The following HCN1 variants were observed in gnomAD, a reference collection of about 807,000 sequenced individuals.
HCN1 encodes potassium/sodium hyperpolarization-activated cyclic nucleotide-gated channel 1.
A neutral mutation model predicts 78.9 loss-of-function variants in HCN1; 13 were observed. The observed-to-expected ratio is 0.16, with a 90% CI of 0.11 to 0.26. The LOEUF (loss-of-function observed/expected upper bound fraction) is 0.26, where lower values mean the gene tolerates loss of function less well. HCN1 is among the 10% of genes least tolerant of loss of function. The pLI is 1.00. For synonymous variants in HCN1, 552 were observed against 455.5 expected, an observed-to-expected ratio of 1.21 and a Z score of -2.70; for missense variants, 810 against 1,154.3, an observed-to-expected ratio of 0.70 and a Z score of 4.32.
At chr5:45,667,655 A>T (rs1746075577) in intron 1 of HCN1, among the ~76,000 whole-genome samples, 1 of 152,016 alleles carries the variant, frequency 6.6e-6, no homozygotes, top group Non-Finnish European at 1.5e-5. Flanking sequence ...GCAAGTTATA[A>T]ACTCAAACAT....
At chr5:45,388,308 T>A (rs550719431) in intron 4 of HCN1, among the ~76,000 whole-genome samples, 2 of 152,142 alleles carry the variant, frequency 1.3e-5, no homozygotes, top group African/African-American at 2.4e-5. Context: ...TTAGAAAAAA[T>A]TTCTCAGCCT....
At chr5:45,353,650 C>A (rs561706506) in intron 4 of HCN1, among the ~76,000 whole-genome samples, 10 of 151,984 alleles carry the variant, frequency 6.6e-5, no homozygotes, top group Non-Finnish European at 1.3e-4. Flanking sequence ...ATGGATAGTA[C>A]AATAGGTTTT....
At chr5:45,535,941 C>A (rs778527647) in intron 2 of HCN1, among the ~76,000 whole-genome samples, 13 of 152,116 alleles carry the variant, frequency 8.5e-5, no homozygotes, top group Admixed American at 5.9e-4. Flanking sequence ...TTCTTATTCA[C>A]TTTTACCAGT....
At chr5:45,313,990 A>T (rs1487225066) in intron 5 of HCN1, among the ~76,000 whole-genome samples, 1 of 152,214 alleles carries the variant, frequency 6.6e-6, no homozygotes, top group Non-Finnish European at 1.5e-5. Flanking sequence ...AGGCAGGCCA[A>T]CATTCAAATT....
At chr5:45,460,468 A>C (rs1032185243) in intron 3 of HCN1, among the ~76,000 whole-genome samples, 1 of 152,136 alleles carries the variant, frequency 6.6e-6, no homozygotes, top group Non-Finnish European at 1.5e-5. Context: ...GCAGCACAAA[A>C]TACACCAAGA....
intron 2 of HCN1, among the ~76,000 whole-genome samples, chr5:45,618,449 T>C (rs934194729): frequency 6.6e-6 from 1 of 152,112 alleles, no homozygotes; most frequent in East Asian, 1.9e-4. Flanking sequence ...TAGATTGATT[T>C]CTGTAAACAA....
chr5:45,593,351 C>CACAA (rs1744423485), intron 2 of HCN1, among the ~76,000 whole-genome samples: 1 of 151,398 alleles, frequency 6.6e-6, no homozygotes, highest in Non-Finnish European at 1.5e-5. Context: ...CACACACACA[C>CACAA]ACACACACAC....
At chr5:45,329,414 A>T (rs879759623) in intron 5 of HCN1, among the ~76,000 whole-genome samples, 9 of 151,488 alleles carry the variant, frequency 5.9e-5, no homozygotes, top group Non-Finnish European at 1.0e-4. Flanking sequence ...ACTCAGAGAA[A>T]GAGTGGTGGT....
intron 2 of HCN1, among the ~76,000 whole-genome samples, chr5:45,579,440 C>T (rs1744013958): frequency 6.6e-6 from 1 of 152,094 alleles, no homozygotes; most frequent in Non-Finnish European, 1.5e-5. Context: ...AAATGAACCT[C>T]TTCTCCTTTT....
chr5:45,372,041 T>C (rs1157238079), intron 4 of HCN1, among the ~76,000 whole-genome samples: 34 of 60,396 alleles, frequency 5.6e-4, no homozygotes, highest in African/African-American at 3.0e-3. Flanking sequence ...ATTATATATA[T>C]ATTATATATA....
intron 2 of HCN1, among the ~76,000 whole-genome samples, chr5:45,536,527 C>T (rs991096571): frequency 3.9e-5 from 6 of 152,090 alleles, no homozygotes; most frequent in Non-Finnish European, 7.4e-5. Context: ...TCATTTCATT[C>T]TTTTCATGGC....
chr5:45,427,681 G>C (rs528272466), intron 3 of HCN1, among the ~76,000 whole-genome samples: 11 of 152,214 alleles, frequency 7.2e-5, no homozygotes, highest in African/African-American at 2.4e-4. Flanking sequence ...CTAAGATATA[G>C]ATACATATAT....
intron 2 of HCN1, among the ~76,000 whole-genome samples, chr5:45,495,462 CTT>C (rs1338538536): frequency 6.7e-6 from 1 of 149,788 alleles, no homozygotes; most frequent in Admixed American, 6.7e-5. Flanking sequence ...TATCCTGAGA[CTT>C]TGCTGAAGTT....
At chr5:45,359,190 A>C (rs1747064007) in intron 4 of HCN1, among the ~76,000 whole-genome samples, 1 of 152,100 alleles carries the variant, frequency 6.6e-6, no homozygotes, top group Non-Finnish European at 1.5e-5. Context: ...GTCTTCAGGA[A>C]TAATTTTATA....
At chr5:45,549,763 AT>A (rs1349056641) in intron 2 of HCN1, among the ~76,000 whole-genome samples, 2 of 152,202 alleles carry the variant, frequency 1.3e-5, no homozygotes, top group Non-Finnish European at 1.5e-5. Flanking sequence ...CAAAGGGCTA[AT>A]ATCCAGAATC....
intron 7 of HCN1, among the ~76,000 whole-genome samples, chr5:45,263,171 G>A (rs537736503): frequency 5.5e-4 from 84 of 152,276 alleles, no homozygotes; most frequent in African/African-American, 2.0e-3. Flanking sequence ...ACTTTTTCAA[G>A]AAAGGACCAT....
At chr5:45,313,938 A>C (rs1745915996) in intron 5 of HCN1, among the ~76,000 whole-genome samples, 1 of 152,170 alleles carries the variant, frequency 6.6e-6, no homozygotes. Flanking sequence ...GTTGGAAAAC[A>C]CTCTGCAGGA....
rs1745530871 is a variant in HCN1, at chr5:45,645,427, T to C, written c.607A>G (p.Ser203Gly). ...TTGGGGTCCAGGATGATTTCAGAAC[T>C]GTCTTCATTGACAGTCCCAGTCCTA... The part of the protein sequence containing the change: ...NFRTGTVNED[S>G]SEIILDPKVI... The change falls in exon 2 of 8, where the codon AGT (serine) becomes GGT (glycine). Residue 203 changes from serine (S) to glycine (G), a missense_variant. By Grantham distance (56) the Ser-to-Gly change is moderately conservative (BLOSUM62 0). Around this residue, in one of 6 missense-constraint regions of HCN1, gnomAD observed 104 missense variants for 402.8 expected, o/e 0.26. Coordinates refer to ENST00000303230, the MANE Select transcript of HCN1 (RefSeq NM_021072.4). 1 of 1,613,726 alleles carries C rather than the reference T, an allele frequency of 6.2e-7. No individual in the cohort carries two copies. The highest frequency in any genetic ancestry group is 8.5e-7 in the Non-Finnish European group (1 of 1,179,784).
chr5:45,629,098 C>T (rs1745225356), intron 2 of HCN1, among the ~76,000 whole-genome samples: 1 of 151,706 alleles, frequency 6.6e-6, no homozygotes, highest in African/African-American at 2.4e-5. Context: ...TAAAGAGAGT[C>T]ATTTTATAGG....
Sources: gnomAD v4.1 joint callset for allele counts (sites outside exome capture counted in the v4.1 genomes callset) on GRCh38, gnomAD v4.1.1 for gene constraint, gnomAD v4.1.1 regional missense constraint, MANE v1.5 for transcripts, NCBI Gene and HGNC (gene_info 2026-07-23, HGNC 2026-07-21) for gene names.